The following IFT140 variants were observed in gnomAD, a reference collection of about 807,000 sequenced individuals.
IFT140 encodes the protein intraflagellar transport protein 140 homolog.
In IFT140, 133 loss-of-function variants were observed where a neutral mutation model predicts 164.6. The observed-to-expected ratio is 0.81, with a 90% CI of 0.70 to 0.93. The LOEUF is 0.93. Among genes scored for constraint, IFT140 ranks in the 40% least tolerant of loss-of-function variants. The pLI, the probability that IFT140 is intolerant of heterozygous loss-of-function variation, is 0.00. For missense variants in IFT140, 2,045 were observed against 1,972.3 expected, an observed-to-expected ratio of 1.04 and a Z score of -0.70; for synonymous variants, 860 against 817.3, an observed-to-expected ratio of 1.05 and a Z score of -0.89.
At position 1,520,701 on chromosome 16, in the gene IFT140, C is replaced by T. The variant is rs769082969; in HGVS notation, c.3561G>A (p.Ser1187=). The T allele has an allele frequency of 3.8e-5, 62 of 1,611,530 alleles. No homozygotes were observed. Among genetic ancestry groups the T allele is most frequent in the Middle Eastern group, 3.3e-4 (2 of 6,080 alleles). The part of the protein sequence containing the change: ...AKDSSDLPEE[S]RRELLEQIAD... Reference sequence around the variant, plus strand: ...CTATCTGCTCCAGCAGCTCCCGCCGCGACTCCTCAGGCAGGTCCGAGGAGT... The same window carrying T: ...CTATCTGCTCCAGCAGCTCCCGCCGTGACTCCTCAGGCAGGTCCGAGGAGT... Residue 1187 remains serine, a synonymous_variant, in exon 27 of 31, where the codon TCG becomes TCA. Transcript: ENST00000426508.
chr16:1,608,002 G>GA (rs1170339251), intron 2 of IFT140, among the ~76,000 whole-genome samples: 1 of 151,834 alleles, frequency 6.6e-6, no homozygotes, highest in Non-Finnish European at 1.5e-5. Flanking sequence ...TACTGGTACA[G>GA]AAAAAAAACC....
intron 18 of IFT140, among the ~76,000 whole-genome samples, chr16:1,561,118 G>GT (rs1226618338): frequency 6.6e-6 from 1 of 152,226 alleles, no homozygotes; most frequent in African/African-American, 2.4e-5. Context: ...ATCCCCACAC[G>GT]TGACTCGGGA....
chr16:1,589,834 A>G, intron 6 of IFT140, 54 bp from the exon 7 acceptor site: 2 of 1,486,744 alleles, frequency 1.3e-6, no homozygotes, highest in Non-Finnish European at 9.3e-7. Context: ...ATCTGCTTCC[A>G]TGACCCTCAC....
At chr16:1,541,826 C>T (rs1324181787) in intron 19 of IFT140, 27 of 1,428,728 alleles carry the variant, frequency 1.9e-5, no homozygotes, top group South Asian at 1.3e-4. Flanking sequence ...CCGCCCTTTC[C>T]GAGGCAAACA....
intron 4 of IFT140, among the ~76,000 whole-genome samples, chr16:1,599,430 A>G (rs1419228579): frequency 2.0e-5 from 1 of 49,680 alleles, no homozygotes. Flanking sequence ...TGGGGGGGTC[A>G]GCCCCCCGCC....
At chr16:1,589,102 G>A (rs112518713) in intron 7 of IFT140, among the ~76,000 whole-genome samples, 16 of 152,330 alleles carry the variant, frequency 1.1e-4, no homozygotes, top group African/African-American at 2.6e-4. Flanking sequence ...GTCCTCAGCC[G>A]CCCTTACAGG....
rs2034870094 is a variant in IFT140 at position 1,586,226 on chromosome 16, T to C, written c.1059A>G (p.Lys353=). The change falls in exon 10 of 31, where the codon AAA becomes AAG. Residue 353 remains lysine (K), a synonymous_variant. Transcript: ENST00000426508. ...CGGGGCTGCCCAGGAAGTCTGGTAC[T>C]TTCCTCCACATGGCTACTCGCCCTC... ...TDRGRVAMWR[K]VPDFLGSPGA... is the part of the protein sequence containing the mutation. The C allele has an allele frequency of 3.1e-6, 5 of 1,613,902 alleles. No homozygotes were observed. The highest frequency in any genetic ancestry group is 4.2e-6 in the Non-Finnish European group (5 of 1,179,964).
chr16:1,597,236 C>T (rs982397217), intron 4 of IFT140, among the ~76,000 whole-genome samples: 2 of 152,174 alleles, frequency 1.3e-5, no homozygotes, highest in African/African-American at 2.4e-5. Context: ...GCCCGTCTAA[C>T]GTGCTCTCCT....
chr16:1,581,642 A>T (rs1452286863), intron 12 of IFT140, among the ~76,000 whole-genome samples: 1 of 150,238 alleles, frequency 6.7e-6, no homozygotes, highest in Admixed American at 6.6e-5. Flanking sequence ...CAAAACAAAA[A>T]ATATCCCAGC....
In IFT140 at chr16:1,566,300, A is replaced by G. The variant is rs2033713560; in HGVS notation, c.1771-9T>C. 1.2e-6 allele frequency: 2 copies of G among 1,612,826 alleles called. No homozygotes were observed. Among genetic ancestry groups the G allele is most frequent in the Non-Finnish European group, 1.7e-6 (2 of 1,179,118 alleles). On this transcript the variant is annotated splice_polypyrimidine_tract_variant and intron_variant, in intron 15 of 30. Coordinates refer to ENST00000426508, the MANE Select transcript of IFT140 (RefSeq NM_014714.4). ...TCAGGGCTGTTGTCAGCCTAGGAGA[A>G]GAGAAAACCAGAAAGCTCACGGAGC...
Position 1,528,450 on chromosome 16 carries a change from T to C in IFT140, c.2400-1654A>G, listed in dbSNP as rs145757190. 4.7e-4 allele frequency among the ~76,000 whole-genome samples: 69 copies of C among 147,404 alleles called. 2 individuals are homozygous for C. In the Middle Eastern group the frequency reaches 0.039, roughly 83 times the overall value. ...ACACAGATGCACACACACATTCACA[T>C]GCATGCACACACACATGGATGCACA... On this transcript the variant is annotated intron_variant, in intron 19 of 30. Coordinates refer to ENST00000426508, the MANE Select transcript of IFT140 (RefSeq NM_014714.4).
At position 1,591,348 on chromosome 16, in the gene IFT140, C is replaced by A. The variant is rs375242258; in HGVS notation, c.634+828G>T. Among the ~76,000 whole-genome samples, 10 of 152,162 alleles carry A rather than the reference C, an allele frequency of 6.6e-5. No individual in the cohort carries two copies. The East Asian group carries it at 1.7e-3, about 26-fold the overall frequency. ...GTCCCCACTGGGATCTTCTCAATGT[C>A]CCCCCTCCATTAGCTCTATGTCTTC... On this transcript the variant is annotated intron_variant, in intron 6 of 30. Coordinates refer to ENST00000426508, the MANE Select transcript of IFT140 (RefSeq NM_014714.4).
chr16:1,565,205 C>T (rs1394841721), intron 16 of IFT140, among the ~76,000 whole-genome samples: 4 of 152,082 alleles, frequency 2.6e-5, no homozygotes, highest in South Asian at 2.1e-4. Flanking sequence ...ACCTGGGTGA[C>T]GGGCAGTGGG....
At chr16:1,541,841 C>A in intron 19 of IFT140, 1 of 1,468,752 alleles carries the variant, frequency 6.8e-7, no homozygotes, top group Non-Finnish European at 9.0e-7. Context: ...CAAACAGAGA[C>A]CACGAAAGTG....
intron 9 of IFT140, among the ~76,000 whole-genome samples, chr16:1,586,629 A>G (rs532744680): frequency 3.7e-3 from 243 of 66,030 alleles, no homozygotes; most frequent in African/African-American, 0.013. Context: ...ACATGCATGC[A>G]CACACACACA....
At chr16:1,526,843 G>A in intron 19 of IFT140, 47 bp from the exon 20 acceptor site, 11 of 1,553,550 alleles carry the variant, frequency 7.1e-6, no homozygotes, top group Non-Finnish European at 9.6e-6. Context: ...GCACCTCAGG[G>A]CCCCCTGGCC....
At position 1,607,354 on chromosome 16, in the gene IFT140, G is replaced by A. The variant is rs111887207; in HGVS notation, c.-31-57C>T. 13 of 1,382,008 alleles carry A rather than the reference G, an allele frequency of 9.4e-6. No homozygotes were observed. The African/African-American group carries it at 1.2e-4, about 12-fold the overall frequency. The allele number at this position is 1,382,008 out of a possible 1,614,324, so 85.6% of individuals were successfully genotyped here. The stretch of plus-strand genomic sequence containing the variant: ...CAGTTTTAAATAAAACAAACAATAT[G>A]ACTGTACATGGAATGACGAAAAGGA... On this transcript the variant is annotated intron_variant, in intron 2 of 30. Coordinates refer to ENST00000426508, the MANE Select transcript of IFT140 (RefSeq NM_014714.4).
At chr16:1,592,828 T>G (rs2035256958) in intron 4 of IFT140, among the ~76,000 whole-genome samples, 2 of 144,672 alleles carry the variant, frequency 1.4e-5, no homozygotes, top group African/African-American at 2.6e-5. Context: ...CCATGAAGGC[T>G]GGCAAGGTAC....
rs748273742 is a variant in IFT140, at chr16:1,562,051, G to A, written c.2133C>T (p.Phe711=). The A allele has an allele frequency of 1.9e-6, 3 of 1,612,146 alleles. No homozygotes were observed. In the African/African-American group the frequency reaches 4.0e-5, roughly 22 times the overall value. The change falls in exon 18 of 31, where the codon TTC becomes TTT. Residue 711 remains phenylalanine, a synonymous_variant. Transcript: ENST00000426508. ...EEHGFLLHES[F]PRPATSHSLL... ...GACTGTGGGAGGTGGCAGGCCGGGG[G>A]AAGCTCTCATGAAGCAGGAAGCCGT... is the stretch of plus-strand genomic sequence containing the variant.
Sources: gnomAD v4.1 joint callset for allele counts (sites outside exome capture counted in the v4.1 genomes callset) on GRCh38, gnomAD v4.1.1 for gene constraint, MANE v1.5 for transcripts, NCBI Gene and HGNC (gene_info 2026-07-23, HGNC 2026-07-21) for gene names.